MYCBP2: variants seen among roughly 807,000 people sequenced by gnomAD.
MYCBP2 encodes MYC binding protein 2.
MYCBP2 carries 120 observed loss-of-function variants against 525.3 expected under a neutral mutation model. The observed-to-expected ratio is 0.23, with a 90% CI of 0.20 to 0.27. The LOEUF (loss-of-function observed/expected upper bound fraction) is 0.27, where lower values mean the gene tolerates loss of function less well. MYCBP2 is among the 10% of genes least tolerant of loss of function. The pLI, the probability that MYCBP2 is intolerant of heterozygous loss-of-function variation, is 1.00. For synonymous variants in MYCBP2, 1,894 were observed against 1,955.8 expected, an observed-to-expected ratio of 0.97 and a Z score of 0.83; for missense variants, 4,149 against 5,657.1, an observed-to-expected ratio of 0.73 and a Z score of 8.55.
At chr13:77,229,725 T>G (rs1036174587) in intron 18 of MYCBP2, among the ~76,000 whole-genome samples, 4 of 152,166 alleles carry the variant, frequency 2.6e-5, no homozygotes, top group African/African-American at 9.6e-5. Context: ...CCAAAGAGAT[T>G]AAGACATTTT....
At chr13:77,236,475 C>G (rs562921881) in intron 17 of MYCBP2, among the ~76,000 whole-genome samples, 10 of 152,046 alleles carry the variant, frequency 6.6e-5, no homozygotes, top group African/African-American at 2.4e-4. Context: ...TAACTGCACC[C>G]TAGGAATCTA....
chr13:77,176,442 T>C, intron 36 of MYCBP2, 55 bp downstream of exon 36: 1 of 1,445,454 alleles, frequency 6.9e-7, no homozygotes, highest in South Asian at 1.6e-5. Flanking sequence ...TCTTCACTAT[T>C]TTAACTACAT....
At chr13:77,164,405 A>G (rs375137786) in intron 43 of MYCBP2, 49 bp downstream of exon 43, 21 of 1,293,076 alleles carry the variant, frequency 1.6e-5, no homozygotes, top group Admixed American at 3.6e-5. Context: ...AATACATACA[A>G]AACAAAACAA....
At chr13:77,107,778 G>A (rs1299267738) in intron 55 of MYCBP2, among the ~76,000 whole-genome samples, 1 of 151,836 alleles carries the variant, frequency 6.6e-6, no homozygotes, top group Non-Finnish European at 1.5e-5. Context: ...ATAAAATAAA[G>A]TAACAGTGAT....
Position 77,257,687 on chromosome 13 carries a change from C to A in MYCBP2, c.2160G>T (p.Met720Ile). Residue 720 changes from methionine (M) to isoleucine (I), a missense_variant, in exon 14 of 83, where the codon ATG becomes ATT. Transcript: ENST00000544440. ...KGQCGRDTGAMNQGGKGFGVE... is the reference protein window; with the variant it reads ...KGQCGRDTGAINQGGKGFGVE... ...AAGACCTACCTTTCCCACCTTGGTT[C>A]ATGGCACCAGTATCTCGTCCACACT... 1 of 1,582,196 alleles carries A rather than the reference C, an allele frequency of 6.3e-7. No homozygotes were observed. The highest frequency in any genetic ancestry group is 1.2e-5 in the South Asian group (1 of 83,866).
chr13:77,124,986 A>C (rs987607660), intron 54 of MYCBP2, among the ~76,000 whole-genome samples: 3 of 152,192 alleles, frequency 2.0e-5, no homozygotes, highest in African/African-American at 7.2e-5. Flanking sequence ...TGAGATTGGT[A>C]GTTGGAATAC....
intron 60 of MYCBP2, among the ~76,000 whole-genome samples, chr13:77,089,899 T>C (rs1448521116): frequency 1.3e-5 from 2 of 152,090 alleles, no homozygotes; most frequent in Non-Finnish European, 2.9e-5. Flanking sequence ...CACTGAATGA[T>C]CTCCAGATTT....
In MYCBP2 at chr13:77,246,092, G is replaced by C. The variant is rs1003408641; in HGVS notation, c.2382-2141C>G. ...CTTCTTAGTCACATATTTTGTAGAA[G>C]GTATAGCTTTAATGTAGTTCATCAG... is the stretch of plus-strand genomic sequence containing the variant. On this transcript the variant is annotated intron_variant, in intron 15 of 82. Coordinates refer to ENST00000544440, the MANE Select transcript of MYCBP2 (RefSeq NM_015057.5). Among the ~76,000 whole-genome samples, 9 of 152,150 alleles carry C rather than the reference G, an allele frequency of 5.9e-5. No individual in the cohort carries two copies. In the East Asian group the frequency reaches 1.5e-3, roughly 26 times the overall value.
chr13:77,149,242 CCTTT>C (rs891753891), intron 47 of MYCBP2, among the ~76,000 whole-genome samples: 66 of 152,136 alleles, frequency 4.3e-4, no homozygotes, highest in African/African-American at 1.5e-3. Context: ...TTTTCCTTTT[CCTTT>C]CTTTTTCTCT....
intron 2 of MYCBP2, 38 bp downstream of exon 2, chr13:77,296,561 A>C: frequency 6.5e-7 from 1 of 1,537,858 alleles, no homozygotes; most frequent in Non-Finnish European, 8.7e-7. Flanking sequence ...TCACCATATG[A>C]AAAAGTCCTA....
chr13:77,067,661 T>A lies in MYCBP2; in HGVS notation c.12375A>T (p.Gly4125=). The A allele has an allele frequency of 6.2e-7, 1 of 1,614,200 alleles. No individual in the cohort carries two copies. Among genetic ancestry groups the A allele is most frequent in the South Asian group, 1.1e-5 (1 of 91,088 alleles). ...KALTVQLKAK[G]TTITGTAGTT... ...TACCAGCTGTTCCAGTGATGGTGGT[T>A]CCTTTGGCTTTTAGCTGTACAGTGA... The change falls in exon 71 of 83, where the codon GGA becomes GGT. Residue 4125 remains glycine (G), a synonymous_variant. Coordinates refer to ENST00000544440, the MANE Select transcript of MYCBP2 (RefSeq NM_015057.5).
intron 49 of MYCBP2, 33 bp downstream of exon 49, chr13:77,144,412 G>A: frequency 1.4e-6 from 2 of 1,420,276 alleles, no homozygotes; most frequent in Non-Finnish European, 2.0e-6. Context: ...GTTATTTGAA[G>A]TAAGTAGTAG....
Position 77,076,769 on chromosome 13 carries a change from T to C in MYCBP2, c.11805A>G (p.Gly3935=). Residue 3935 remains glycine (G), a synonymous_variant, in exon 68 of 83, where the codon GGA becomes GGG. Coordinates refer to ENST00000544440, the MANE Select transcript of MYCBP2 (RefSeq NM_015057.5). ...EEKALLSSPE[G]EEKVYNATSD... is the part of the protein sequence containing the mutation. ...TAAATACATTGTATACTTTTTCTTC[T>C]CCTTCAGGTGATGACAATAGTGCTT... 1 of 1,602,362 alleles carries C rather than the reference T, an allele frequency of 6.2e-7. No homozygotes were observed. Among genetic ancestry groups the C allele is most frequent in the Non-Finnish European group, 8.5e-7 (1 of 1,171,470 alleles).
chr13:77,117,915 A>T (rs1423371841), intron 55 of MYCBP2, among the ~76,000 whole-genome samples: 4 of 152,180 alleles, frequency 2.6e-5, no homozygotes, highest in Non-Finnish European at 4.4e-5. Context: ...AAAAATAAAG[A>T]CAGGAAACAA....
At chr13:77,306,602 A>C (rs555083719) in intron 1 of MYCBP2, among the ~76,000 whole-genome samples, 1 of 152,306 alleles carries the variant, frequency 6.6e-6, no homozygotes, top group African/African-American at 2.4e-5. Context: ...ACTCTCTGAA[A>C]AGCTTTGGCT....
intron 62 of MYCBP2, among the ~76,000 whole-genome samples, chr13:77,085,117 G>T (rs1035370750): frequency 2.0e-5 from 3 of 151,872 alleles, no homozygotes; most frequent in Non-Finnish European, 2.9e-5. Flanking sequence ...ACTATAACTA[G>T]AACTCTGCCA....
chr13:77,048,600 AGTGTAT>A (rs2036083187), intron 82 of MYCBP2, among the ~76,000 whole-genome samples: 1 of 152,114 alleles, frequency 6.6e-6, no homozygotes, highest in African/African-American at 2.4e-5. Flanking sequence ...CCTCAATCTC[AGTGTAT>A]GTTCTTAGGC....
At chr13:77,285,063 G>T (rs908287067) in intron 3 of MYCBP2, among the ~76,000 whole-genome samples, 2 of 152,094 alleles carry the variant, frequency 1.3e-5, no homozygotes, top group African/African-American at 4.8e-5. Context: ...ATACCCCTTT[G>T]ACTCTGTTAA....
At chr13:77,046,226 T>C (rs2035535857) in intron 82 of MYCBP2, among the ~76,000 whole-genome samples, 1 of 152,178 alleles carries the variant, frequency 6.6e-6, no homozygotes, top group Non-Finnish European at 1.5e-5. Context: ...TTCATATCAT[T>C]TAGAAAAGAT....
Sources: gnomAD v4.1 joint callset for allele counts (sites outside exome capture counted in the v4.1 genomes callset) on GRCh38, gnomAD v4.1.1 for gene constraint, MANE v1.5 for transcripts, NCBI Gene and HGNC (gene_info 2026-07-23, HGNC 2026-07-21) for gene names.